SUMF1: variants seen among roughly 807,000 people sequenced by gnomAD.
SUMF1 encodes the protein formylglycine-generating enzyme.
A neutral mutation model predicts 47.6 loss-of-function variants in SUMF1; 48 were observed. The ratio of observed to expected loss-of-function variants is 1.01; its 90% CI spans 0.80 to 1.28. The LOEUF (loss-of-function observed/expected upper bound fraction) is 1.28. Ranked by LOEUF, SUMF1 falls within the 50% of genes most tolerant of loss-of-function variation. The pLI is 0.00. For synonymous variants in SUMF1, 230 were observed against 192.1 expected, an observed-to-expected ratio of 1.20 and a Z score of -1.63; for missense variants, 571 against 485.4, an observed-to-expected ratio of 1.18 and a Z score of -1.66.
At chr3:4,176,119 A>T (rs924818602) in intron 8 of SUMF1, among the ~76,000 whole-genome samples, 4 of 152,192 alleles carry the variant, frequency 2.6e-5, no homozygotes, top group Non-Finnish European at 5.9e-5. Context: ...ACTCTTCAGG[A>T]TATTATCCAG....
intron 8 of SUMF1, among the ~76,000 whole-genome samples, chr3:4,276,260 T>C (rs917702354): frequency 6.6e-6 from 1 of 152,170 alleles, no homozygotes; most frequent in Admixed American, 6.5e-5. Context: ...TTCCTAAAAC[T>C]GAGGCTATAA....
intron 8 of SUMF1, among the ~76,000 whole-genome samples, chr3:4,225,162 C>G (rs1696146803): frequency 1.3e-5 from 2 of 152,064 alleles, no homozygotes; most frequent in South Asian, 4.2e-4. Context: ...AAAAACATCT[C>G]CACCCACAGC....
chr3:4,056,902 C>T lies in SUMF1; in HGVS notation c.1191+11667G>A, dbSNP rs148333258. ...GACTACAGGTGCCTGCCACCACGCC[C>T]GGCTAATTTTTTGTATTTTAAGTTA... On this transcript the variant is annotated intron_variant and NMD_transcript_variant, in intron 9 of 12. Transcript: ENST00000448413. 7.4e-3 allele frequency among the ~76,000 whole-genome samples: 1,119 copies of T among 151,968 alleles called. 16 individuals are homozygous for T. Among genetic ancestry groups the T allele is most frequent in the African/African-American group, 0.025 (1,037 of 41,450 alleles).
chr3:4,151,490 T>C (rs188958690), intron 8 of SUMF1, among the ~76,000 whole-genome samples: 2 of 146,450 alleles, frequency 1.4e-5, no homozygotes, highest in East Asian at 2.0e-4. Context: ...TATGTGTATA[T>C]ATACGTATAT....
chr3:4,086,801 C>G (rs1374270137), intron 8 of SUMF1, among the ~76,000 whole-genome samples: 1 of 151,932 alleles, frequency 6.6e-6, no homozygotes, highest in Non-Finnish European at 1.5e-5. Context: ...GTGAATAAGT[C>G]TCATGAAATC....
intron 8 of SUMF1, among the ~76,000 whole-genome samples, chr3:4,328,760 A>G (rs1320015147): frequency 6.6e-6 from 1 of 152,150 alleles, no homozygotes; most frequent in Non-Finnish European, 1.5e-5. Context: ...ACAGTTCCCC[A>G]AAGTCTTTAA....
At chr3:4,340,814 G>T (rs1032242486) in intron 8 of SUMF1, among the ~76,000 whole-genome samples, 1 of 152,172 alleles carries the variant, frequency 6.6e-6, no homozygotes, top group Non-Finnish European at 1.5e-5. Context: ...CCTGAACACT[G>T]GAAGAGAAAC....
At chr3:4,256,068 G>A in intron 8 of SUMF1, among the ~76,000 whole-genome samples, 1 of 150,016 alleles carries the variant, frequency 6.7e-6, no homozygotes, top group Non-Finnish European at 1.5e-5. Flanking sequence ...TGAAACCAAT[G>A]AGAACAAAGA....
chr3:4,428,948 T>G (rs1702150480), intron 3 of SUMF1, among the ~76,000 whole-genome samples: 1 of 152,252 alleles, frequency 6.6e-6, no homozygotes, highest in African/African-American at 2.4e-5. Context: ...CTATGTTTTA[T>G]CTGAACTTCA....
At chr3:4,062,641 TG>T in intron 9 of SUMF1, among the ~76,000 whole-genome samples, 1 of 152,240 alleles carries the variant, frequency 6.6e-6, no homozygotes, top group South Asian at 2.1e-4. Flanking sequence ...GATTTTTCCT[TG>T]GGAATATTTA....
intron 8 of SUMF1, among the ~76,000 whole-genome samples, chr3:4,171,724 T>C (rs996531371): frequency 3.3e-5 from 5 of 152,080 alleles, no homozygotes; most frequent in Non-Finnish European, 5.9e-5. Flanking sequence ...TAAATGGGCT[T>C]GTGAGGTGGG....
intron 8 of SUMF1, among the ~76,000 whole-genome samples, chr3:4,188,441 G>T (rs1483810139): frequency 2.6e-5 from 4 of 152,084 alleles, no homozygotes; most frequent in African/African-American, 9.7e-5. Flanking sequence ...AATCCTCTGT[G>T]TTCCACCTAT....
intron 8 of SUMF1, among the ~76,000 whole-genome samples, chr3:4,187,291 C>CG (rs1695221588): frequency 6.6e-6 from 1 of 152,154 alleles, no homozygotes; most frequent in South Asian, 2.1e-4. Flanking sequence ...ACTGCTTGAG[C>CG]ACAGGAGCTT....
rs572126719 is a variant in SUMF1, at chr3:4,325,111, T to G, written c.1014+51219A>C. On this transcript the variant is annotated intron_variant and NMD_transcript_variant, in intron 8 of 12. Transcript: ENST00000448413. The stretch of plus-strand genomic sequence containing the variant: ...TCAGCATGGAAAAGACCCAGCCCCA[T>G]AATTCAATTACCTCCCACCAGGTCC... Among the ~76,000 whole-genome samples the G allele has an allele frequency of 4.6e-5, 7 of 152,238 alleles. No individual in the cohort carries two copies. In the South Asian group the frequency reaches 1.5e-3, roughly 32 times the overall value.
At chr3:4,064,772 G>C (rs1461778927) in intron 9 of SUMF1, among the ~76,000 whole-genome samples, 1 of 152,108 alleles carries the variant, frequency 6.6e-6, no homozygotes, top group Non-Finnish European at 1.5e-5. Context: ...CTTAACCACT[G>C]TGCTCTAATC....
In SUMF1 at chr3:4,380,625, T is replaced by C. The variant is rs1197206353; in HGVS notation, c.955-4236A>G. ...TCTCAGTGGAAAAACATATGGAACA[T>C]AGGGACTCCGCCTACAACCAGGCAG... On this transcript the variant is annotated intron_variant, in intron 7 of 8. Transcript: ENST00000272902. Among the ~76,000 whole-genome samples the C allele has an allele frequency of 2.0e-5, 3 of 152,122 alleles. No individual in the cohort carries two copies. In the East Asian group the frequency reaches 5.8e-4, roughly 29 times the overall value.
chr3:4,244,845 C>G (rs1288583546), intron 8 of SUMF1, among the ~76,000 whole-genome samples: 1 of 152,092 alleles, frequency 6.6e-6, no homozygotes, highest in African/African-American at 2.4e-5. Flanking sequence ...AGGGTGTTTT[C>G]CAACTGATTC....
rs540702626 is a variant in SUMF1 at position 4,278,451 on chromosome 3, A to C, written c.1014+97879T>G. On this transcript the variant is annotated intron_variant and NMD_transcript_variant, in intron 8 of 12. Transcript: ENST00000448413. ...TGTTAGAATTAACTACTGATAAAAA[A>C]TTGAAGATGAATTTTGAAAATACAG... Among the ~76,000 whole-genome samples the C allele has an allele frequency of 4.6e-5, 7 of 152,282 alleles. No individual in the cohort carries two copies. In the South Asian group the frequency reaches 1.4e-3, roughly 32 times the overall value.
intron 8 of SUMF1, among the ~76,000 whole-genome samples, chr3:4,145,384 C>T (rs1001656991): frequency 1.3e-5 from 2 of 151,984 alleles, no homozygotes; most frequent in Non-Finnish European, 2.9e-5. Flanking sequence ...GAACTATGAA[C>T]TCAGAGACCC....
Sources: gnomAD v4.1 joint callset for allele counts (sites outside exome capture counted in the v4.1 genomes callset) on GRCh38, gnomAD v4.1.1 for gene constraint, MANE v1.5 for transcripts, NCBI Gene and HGNC (gene_info 2026-07-23, HGNC 2026-07-21) for gene names.